MESP1: variants seen among roughly 807,000 people sequenced by gnomAD.
MESP1 encodes the protein mesoderm posterior bHLH transcription factor 1.
A neutral mutation model predicts 15.2 loss-of-function variants in MESP1; 22 were observed. That is an observed-to-expected ratio of 1.45 (90% CI 1.04 to 2.07). The LOEUF (loss-of-function observed/expected upper bound fraction) is 2.07, where lower values mean the gene tolerates loss of function less well. Among genes scored for constraint, MESP1 ranks in the 30% most tolerant of loss-of-function variants. MESP1 has a pLI of 0.00. For synonymous variants in MESP1, 216 were observed against 192.6 expected, an observed-to-expected ratio of 1.12 and a Z score of -1.01; for missense variants, 484 against 411.9, an observed-to-expected ratio of 1.17 and a Z score of -1.51.
chr15:89,739,070 C>T, the MESP1 span, among the ~76,000 whole-genome samples: 1 of 150,606 alleles, frequency 6.6e-6, no homozygotes, highest in East Asian at 2.0e-4. Flanking sequence ...GAGCCAAGAT[C>T]GTGCCATTGC....
At chr15:89,739,991 C>A in the MESP1 span, among the ~76,000 whole-genome samples, 1 of 152,158 alleles carries the variant, frequency 6.6e-6, no homozygotes, top group Non-Finnish European at 1.5e-5. Flanking sequence ...TACAATGAGA[C>A]CTTGGGCGAG....
chr15:89,737,027 G>A, the MESP1 span, among the ~76,000 whole-genome samples: 5 of 152,120 alleles, frequency 3.3e-5, no homozygotes, highest in Admixed American at 6.6e-5. Flanking sequence ...TCCTGACCTC[G>A]TGATCCGCCC....
Position 89,751,005 on chromosome 15 carries a change from C to T in MESP1, c.227G>A (p.Ser76Asn). Reference protein sequence around the residue: ...APSVGRRGARSSRLGSGQRQS... With the variant: ...APSVGRRGARNSRLGSGQRQS... ...CCTCTGCCCGCTGCCCAGGCGGCTG[C>T]TGCGCGCGCCGCGCCTACCTACGGA... The change falls in exon 1 of 2, where the codon AGC becomes AAC. Residue 76 changes from serine (S) to asparagine (N), a missense_variant. By Grantham distance (46) the Ser-to-Asn change is conservative (BLOSUM62 1). Transcript: ENST00000300057. 7.3e-7 allele frequency: 1 copy of T among 1,367,336 alleles called. No homozygotes were observed. The highest frequency in any genetic ancestry group is 9.4e-7 in the Non-Finnish European group (1 of 1,067,666). 84.7% of individuals were successfully genotyped at this position (1,367,336 alleles called of 1,614,324 possible). A position where few individuals can be genotyped will look rare whatever the true frequency, so the allele number is the denominator to read the frequency against.
the MESP1 span, chr15:89,733,129 T>C: frequency 6.2e-7 from 1 of 1,614,044 alleles, no homozygotes; most frequent in Non-Finnish European, 8.5e-7. Flanking sequence ...AAATCCCAAA[T>C]GAAATGTGTG....
downstream of MESP1, among the ~76,000 whole-genome samples, chr15:89,744,949 T>C (rs1050378688): frequency 6.6e-6 from 1 of 152,218 alleles, no homozygotes; most frequent in Admixed American, 6.5e-5. Flanking sequence ...GTCTCTTTCC[T>C]GAACCACTCA....
At chr15:89,747,653 G>T (rs1327226273), downstream of MESP1, among the ~76,000 whole-genome samples, 1 of 152,202 alleles carries the variant, frequency 6.6e-6, no homozygotes, top group African/African-American at 2.4e-5. Flanking sequence ...GTGTTCAGCC[G>T]AAGCGAAGGC....
downstream of MESP1, among the ~76,000 whole-genome samples, chr15:89,746,190 C>T (rs1967944503): frequency 6.8e-6 from 1 of 147,688 alleles, no homozygotes; most frequent in Non-Finnish European, 1.5e-5. Flanking sequence ...ACACAGCATC[C>T]ATACCTACTC....
downstream of MESP1, among the ~76,000 whole-genome samples, chr15:89,746,985 C>T (rs1473241508): frequency 2.2e-5 from 3 of 134,776 alleles, no homozygotes; most frequent in African/African-American, 8.7e-5. Flanking sequence ...GCACACAGAG[C>T]CCCGCCGCCA....
At chr15:89,748,167 C>G (rs1461225578), downstream of MESP1, among the ~76,000 whole-genome samples, 1 of 152,256 alleles carries the variant, frequency 6.6e-6, no homozygotes, top group Non-Finnish European at 1.5e-5. Context: ...ATTCCCCATT[C>G]TAAAACGCAG....
the MESP1 span, among the ~76,000 whole-genome samples, chr15:89,735,746 G>C: frequency 6.6e-6 from 1 of 152,244 alleles, no homozygotes; most frequent in African/African-American, 2.4e-5. Context: ...GGAAGACAGA[G>C]AAGTCACCAG....
At chr15:89,743,313 C>A in the MESP1 span, 114 of 1,614,210 alleles carry the variant, frequency 7.1e-5, no homozygotes, top group Non-Finnish European at 8.4e-5. Flanking sequence ...TGGAGAAGAA[C>A]CCAGAGAAGG....
At chr15:89,750,276 T>C (rs770942922) in intron 1 of MESP1, 49 bp from the exon 2 acceptor site, 11 of 1,604,760 alleles carry the variant, frequency 6.9e-6, no homozygotes, top group Middle Eastern at 3.3e-4. Context: ...GGTGGCCTTG[T>C]GCGGGTGTCC....
the MESP1 span, among the ~76,000 whole-genome samples, chr15:89,736,749 G>A: frequency 2.6e-5 from 4 of 151,810 alleles, no homozygotes; most frequent in African/African-American, 9.7e-5. Flanking sequence ...GTGGGGAGGG[G>A]AAAGTGGTGT....
the MESP1 span, among the ~76,000 whole-genome samples, chr15:89,740,378 A>G: frequency 6.6e-6 from 1 of 152,198 alleles, no homozygotes; most frequent in Admixed American, 6.5e-5. Flanking sequence ...CAGGAGACGA[A>G]TATGGTCTCA....
At chr15:89,732,854 G>A in the MESP1 span, 1 of 721,120 alleles carries the variant, frequency 1.4e-6, no homozygotes, top group South Asian at 1.7e-5. Flanking sequence ...TTGGGCACTA[G>A]GTTTACTGAT....
the MESP1 span, chr15:89,737,857 G>A: frequency 2.6e-5 from 36 of 1,403,258 alleles, 1 homozygote; most frequent in South Asian, 8.1e-5. Context: ...AAAGGGTACC[G>A]CAGCTCAGTC....
At chr15:89,742,444 G>A in the MESP1 span, among the ~76,000 whole-genome samples, 16 of 151,932 alleles carry the variant, frequency 1.1e-4, no homozygotes, top group Admixed American at 2.6e-4. Context: ...AAGCGTGCCC[G>A]TCTCTGTGTG....
At chr15:89,736,362 G>A in the MESP1 span, among the ~76,000 whole-genome samples, 3 of 152,142 alleles carry the variant, frequency 2.0e-5, no homozygotes, top group Non-Finnish European at 2.9e-5. Flanking sequence ...AGGACCCCCA[G>A]GGGAGGCTCC....
At position 89,750,212 on chromosome 15, in the gene MESP1, C is replaced by T. The variant is rs1308351962; in HGVS notation, c.739G>A (p.Val247Met). Residue 247 changes from valine to methionine, a missense_variant, in exon 2 of 2, where the codon GTG becomes ATG. Val to Met is a conservative substitution (Grantham distance 21). Coordinates refer to ENST00000300057, the MANE Select transcript of MESP1 (RefSeq NM_018670.4). ...ATCCAGGTCTCCAACAGAGCCAGCA[C>T]GTCGCCCGGAAGGAGCTGTAGGGAG... ...SPPSPLLPGD[V>M]LALLETWMPL... 4 of 1,614,076 alleles carry T rather than the reference C, an allele frequency of 2.5e-6. No individual in the cohort carries two copies. Among genetic ancestry groups the T allele is most frequent in the African/African-American group, 1.3e-5 (1 of 75,070 alleles).
Sources: gnomAD v4.1 joint callset for allele counts (sites outside exome capture counted in the v4.1 genomes callset) on GRCh38, gnomAD v4.1.1 for gene constraint, MANE v1.5 for transcripts, NCBI Gene and HGNC (gene_info 2026-07-23, HGNC 2026-07-21) for gene names.